Variants in KCNH5 observed in about 807,000 individuals in gnomAD.
KCNH5 encodes voltage-gated delayed rectifier potassium channel KCNH5.
A neutral mutation model predicts 96.1 loss-of-function variants in KCNH5; 46 were observed. That is an observed-to-expected ratio of 0.48 (90% confidence interval 0.38 to 0.61). KCNH5 has a LOEUF of 0.61. Ranked by LOEUF, KCNH5 falls within the 20% of genes least tolerant of loss-of-function variation. The pLI, the probability that KCNH5 is intolerant of heterozygous loss-of-function variation, is 0.00. For missense variants in KCNH5, 907 were observed against 1,225.8 expected (o/e 0.74, Z 3.88); for synonymous variants, 439 against 449.8 (o/e 0.98, Z 0.30).
intron 8 of KCNH5, among the ~76,000 whole-genome samples, chr14:62,833,918 G>A (rs1024914767): frequency 6.6e-6 from 1 of 151,954 alleles, no homozygotes; most frequent in Non-Finnish European, 1.5e-5. Flanking sequence ...AAGTCCCACT[G>A]TCTTAATTAC....
chr14:62,718,435 A>G (rs190302097), intron 10 of KCNH5, among the ~76,000 whole-genome samples: 4 of 152,374 alleles, frequency 2.6e-5, no homozygotes, highest in Admixed American at 2.6e-4. Flanking sequence ...AAGAAGATCT[A>G]TAAATGGCCA....
intron 6 of KCNH5, among the ~76,000 whole-genome samples, chr14:62,973,931 A>G (rs1406528487): frequency 2.0e-5 from 3 of 152,202 alleles, no homozygotes; most frequent in Non-Finnish European, 4.4e-5. Flanking sequence ...TGAAGTCTAG[A>G]AGCATAATTA....
At chr14:62,835,237 T>C (rs1887441837) in intron 8 of KCNH5, among the ~76,000 whole-genome samples, 1 of 152,028 alleles carries the variant, frequency 6.6e-6, no homozygotes, top group Non-Finnish European at 1.5e-5. Context: ...TATGTGTAAA[T>C]GTTGATGTAC....
At chr14:62,837,667 G>A (rs1017295735) in intron 8 of KCNH5, among the ~76,000 whole-genome samples, 16 of 152,122 alleles carry the variant, frequency 1.1e-4, no homozygotes, top group Admixed American at 3.9e-4. Context: ...CCTGTTATAT[G>A]GAAGGACAGC....
chr14:63,045,088 G>A, intron 1 of KCNH5, 26 bp downstream of exon 1: 5 of 1,577,074 alleles, frequency 3.2e-6, no homozygotes, highest in Non-Finnish European at 4.4e-6. Flanking sequence ...GGAGGTGGGG[G>A]TGTTCTGAAC....
chr14:62,761,550 G>C (rs537461416), intron 10 of KCNH5, among the ~76,000 whole-genome samples: 1 of 152,186 alleles, frequency 6.6e-6, no homozygotes, highest in Non-Finnish European at 1.5e-5. Flanking sequence ...ATGACAAACT[G>C]TATGATCAAA....
chr14:62,972,386 C>G (rs1019960015), intron 6 of KCNH5, among the ~76,000 whole-genome samples: 5 of 152,204 alleles, frequency 3.3e-5, no homozygotes, highest in African/African-American at 1.2e-4. Flanking sequence ...CAGAAATTCT[C>G]ATTCATCGCT....
rs1193471624 is a variant in KCNH5, at chr14:63,003,452, A to ATATATATATTTTATATATAT, written c.305-2013_305-1994dup. ...ACAGAAAGAGCCATATATATATATT[A>ATATATATATTTTATATATAT]TATATATATTTTATATATATTATAT... On this transcript the variant is annotated intron_variant, in intron 3 of 10. Coordinates refer to ENST00000322893, the MANE Select transcript of KCNH5 (RefSeq NM_139318.5). 2.8e-3 allele frequency among the ~76,000 whole-genome samples: 378 copies of ATATATATATTTTATATATAT among 132,946 alleles called. 2 individuals carry two copies. Among genetic ancestry groups the ATATATATATTTTATATATAT allele is most frequent in the Non-Finnish European group, 4.8e-3 (309 of 64,388 alleles). The allele number at this position is 132,946 out of a possible 152,430, so 87.2% of individuals were successfully genotyped here.
chr14:62,728,872 A>C (rs761233042), intron 10 of KCNH5, among the ~76,000 whole-genome samples: 16 of 152,210 alleles, frequency 1.1e-4, no homozygotes, highest in Non-Finnish European at 2.1e-4. Flanking sequence ...CGGGGCAGAG[A>C]GACACAGTTA....
chr14:63,016,782 G>C, intron 2 of KCNH5, 49 bp downstream of exon 2: 2 of 1,582,322 alleles, frequency 1.3e-6, no homozygotes, highest in Non-Finnish European at 1.7e-6. Context: ...ATTACATTCA[G>C]ATTTTTGTTA....
chr14:62,762,535 G>A (rs1885773991), intron 10 of KCNH5, among the ~76,000 whole-genome samples: 1 of 151,922 alleles, frequency 6.6e-6, no homozygotes, highest in South Asian at 2.1e-4. Context: ...CACTTTGTTG[G>A]TGCATGCATG....
Position 62,874,947 on chromosome 14 carries a change from G to A in KCNH5, c.1370-25095C>T, listed in dbSNP as rs1251568960. ...CATTGTATATCTAGAAAACCCCATC[G>A]TCTCAGCCCAAAATCTCCTTAAGCT... On this transcript the variant is annotated intron_variant, in intron 7 of 10. Transcript: ENST00000322893. Among the ~76,000 whole-genome samples the A allele has an allele frequency of 7.6e-3, 908 of 120,202 alleles. 1 individual carries two copies. The highest frequency in any genetic ancestry group is 0.016 in the African/African-American group (500 of 32,180). The allele number at this position is 120,202 out of a possible 152,430, so 78.9% of individuals were successfully genotyped here.
chr14:63,045,057 G>C (rs1405697992), intron 1 of KCNH5, 57 bp downstream of exon 1: 2 of 1,331,202 alleles, frequency 1.5e-6, no homozygotes, highest in East Asian at 4.6e-5. Context: ...GGGGAGGATG[G>C]GGGGCGCGTG....
At position 62,862,740 on chromosome 14, in the gene KCNH5, C is replaced by T. The variant is rs180720429; in HGVS notation, c.1370-12888G>A. 5.8e-4 allele frequency among the ~76,000 whole-genome samples: 88 copies of T among 152,236 alleles called. 1 individual carries two copies. The highest frequency in any genetic ancestry group is 5.0e-3 in the Admixed American group (76 of 15,282). ...AGGGACAACAAGAGAGCAAGAATAG[C>T]GAAGTCTAGTTATTCTTGTAGTCCC... On this transcript the variant is annotated intron_variant, in intron 7 of 10. Coordinates refer to ENST00000322893, the MANE Select transcript of KCNH5 (RefSeq NM_139318.5).
chr14:62,779,550 G>T (rs1595618608), intron 10 of KCNH5, among the ~76,000 whole-genome samples, 178 bp downstream of exon 10: 1 of 151,870 alleles, frequency 6.6e-6, no homozygotes, highest in African/African-American at 2.4e-5. Flanking sequence ...ATAGAAATAG[G>T]GTTTTTTTCC....
chr14:62,806,158 G>C (rs762142189), intron 8 of KCNH5, among the ~76,000 whole-genome samples: 41 of 152,090 alleles, frequency 2.7e-4, no homozygotes, highest in Non-Finnish European at 5.3e-4. Context: ...TCATGGCAAC[G>C]TCAGAAAGTT....
At chr14:62,816,139 G>A (rs1341502455) in intron 8 of KCNH5, among the ~76,000 whole-genome samples, 1 of 151,748 alleles carries the variant, frequency 6.6e-6, no homozygotes, top group Non-Finnish European at 1.5e-5. Flanking sequence ...CAGCTACAAA[G>A]TTATCTTGAA....
chr14:62,978,302 A>T (rs1594655956), intron 6 of KCNH5, among the ~76,000 whole-genome samples: 1 of 152,214 alleles, frequency 6.6e-6, no homozygotes, highest in South Asian at 2.1e-4. Context: ...CAGGAGCTGG[A>T]CCCAGGGTGC....
At chr14:62,721,753 A>T (rs1481853732) in intron 10 of KCNH5, among the ~76,000 whole-genome samples, 2 of 152,252 alleles carry the variant, frequency 1.3e-5, no homozygotes, top group African/African-American at 2.4e-5. Context: ...TGCCATGTTA[A>T]ACATAACTAG....
Sources: gnomAD v4.1 joint callset for allele counts (sites outside exome capture counted in the v4.1 genomes callset) on GRCh38, gnomAD v4.1.1 for gene constraint, MANE v1.5 for transcripts, NCBI Gene and HGNC (gene_info 2026-07-23, HGNC 2026-07-21) for gene names.